TAB2: variants seen among roughly 807,000 people sequenced by gnomAD.
The protein encoded by TAB2 is TGF-beta-activated kinase 1 and MAP3K7-binding protein 2.
A neutral mutation model predicts 65.0 loss-of-function variants in TAB2; 3 were observed. The ratio of observed to expected loss-of-function variants is 0.05; its 90% CI spans 0.02 to 0.12. The LOEUF is 0.12. Among genes scored for constraint, TAB2 ranks in the 10% least tolerant of loss-of-function variants. The probability of loss-of-function intolerance (pLI) is 1.00; values close to 1 mark genes in which losing one functional copy is unlikely to be tolerated. For missense variants in TAB2, 623 were observed against 840.3 expected (o/e 0.74, Z 3.20); for synonymous variants, 298 against 285.1 (o/e 1.05, Z -0.46).
intron 1 of TAB2, among the ~76,000 whole-genome samples, chr6:149,234,149 G>C (rs745544337): frequency 6.6e-6 from 1 of 152,134 alleles, no homozygotes; most frequent in Non-Finnish European, 1.5e-5. Context: ...CTAGTATGAA[G>C]TTTTCACATG....
chr6:149,331,436 A>G (rs193050066), intron 1 of TAB2, among the ~76,000 whole-genome samples: 28 of 152,200 alleles, frequency 1.8e-4, no homozygotes, highest in Admixed American at 1.2e-3. Context: ...CTAAATTATC[A>G]GTTTTAGGAG....
Position 149,382,335 on chromosome 6 carries a change from C to T in TAB2, c.1603+2817C>T, listed in dbSNP as rs111385054. The stretch of plus-strand genomic sequence containing the variant: ...ACTAGAGGCTGGGCACGGTGGCTCA[C>T]GCCTGTAGTCCCAGCACTTTGGGAG... On this transcript the variant is annotated intron_variant, in intron 3 of 6. Transcript: ENST00000637181. Among the ~76,000 whole-genome samples the T allele has an allele frequency of 5.0e-3, 767 of 152,268 alleles. 6 individuals carry two copies. Among genetic ancestry groups the T allele is most frequent in the African/African-American group, 0.018 (746 of 41,552 alleles).
intron 3 of TAB2, among the ~76,000 whole-genome samples, chr6:149,389,178 T>G (rs780544145): frequency 7.9e-5 from 12 of 151,912 alleles, no homozygotes; most frequent in Non-Finnish European, 1.6e-4. Flanking sequence ...ATGGTCTCAA[T>G]CTCTTGACCT....
Position 149,324,762 on chromosome 6 carries a change from G to C in TAB2, c.-90+6747G>C, listed in dbSNP as rs192604327. 1.9e-3 allele frequency among the ~76,000 whole-genome samples: 288 copies of C among 151,830 alleles called. 3 individuals carry two copies. Among genetic ancestry groups the C allele is most frequent in the Non-Finnish European group, 7.7e-4 (52 of 67,946 alleles). ...AGAAATCAACAAAAGCAGTAATTCT[G>C]ATATGAACTGGGGCCATAGGGGTAG... On this transcript the variant is annotated intron_variant, in intron 1 of 6. Transcript: ENST00000637181.
intron 1 of TAB2, among the ~76,000 whole-genome samples, chr6:149,286,843 C>T (rs1464791293): frequency 2.0e-5 from 3 of 152,064 alleles, no homozygotes; most frequent in Admixed American, 6.6e-5. Flanking sequence ...TGGCTGGGCG[C>T]GGTAGCTCAC....
chr6:149,307,317 A>G (rs1562407638), intron 1 of TAB2, among the ~76,000 whole-genome samples: 2 of 152,198 alleles, frequency 1.3e-5, no homozygotes, highest in African/African-American at 4.8e-5. Context: ...GACATGGACA[A>G]GGGGAGTAGT....
intron 1 of TAB2, among the ~76,000 whole-genome samples, chr6:149,298,387 G>A (rs181794941): frequency 1.9e-3 from 292 of 152,274 alleles, no homozygotes; most frequent in African/African-American, 6.7e-3. Context: ...CCAGCACTTG[G>A]GGAAGCCAAG....
chr6:149,289,290 G>A (rs969070751), intron 1 of TAB2, among the ~76,000 whole-genome samples: 1 of 152,094 alleles, frequency 6.6e-6, no homozygotes, highest in Admixed American at 6.5e-5. Context: ...CATTTTGGGA[G>A]GCAAGGGCAG....
At chr6:149,397,927 A>T in intron 4 of TAB2, 42 bp from the exon 5 acceptor site, 17 of 1,597,142 alleles carry the variant, frequency 1.1e-5, no homozygotes, top group Non-Finnish European at 1.5e-5. Context: ...CTAATGACTA[A>T]GAATTCAGTG....
At chr6:149,400,252 G>C in intron 6 of TAB2, 1 of 901,086 alleles carries the variant, frequency 1.1e-6, no homozygotes, top group Non-Finnish European at 1.6e-6. Flanking sequence ...GGAGGGGAGG[G>C]AGCCCAGGAT....
At chr6:149,373,734 C>T (rs1781307050) in intron 2 of TAB2, among the ~76,000 whole-genome samples, 1 of 152,128 alleles carries the variant, frequency 6.6e-6, no homozygotes, top group African/African-American at 2.4e-5. Context: ...TACCAAAAAG[C>T]AGTGATTTTC....
chr6:149,273,336 G>A (rs956081063), intron 1 of TAB2, among the ~76,000 whole-genome samples: 1 of 152,192 alleles, frequency 6.6e-6, no homozygotes, highest in Non-Finnish European at 1.5e-5. Context: ...CTTAGACAAG[G>A]GCAGCAGTGA....
intron 1 of TAB2, among the ~76,000 whole-genome samples, chr6:149,270,704 C>CA (rs1359678661): frequency 1.3e-5 from 2 of 152,214 alleles, no homozygotes; most frequent in Non-Finnish European, 2.9e-5. Context: ...AGACCTTGCA[C>CA]ATTTTCATCA....
chr6:149,275,160 C>G (rs1417503382), intron 1 of TAB2, among the ~76,000 whole-genome samples: 2 of 104,026 alleles, frequency 1.9e-5, no homozygotes, highest in Admixed American at 1.3e-4. Flanking sequence ...GAGTCTTGCT[C>G]TATTGCCCAG....
intron 1 of TAB2, among the ~76,000 whole-genome samples, chr6:149,336,005 T>A (rs913617109): frequency 1.1e-4 from 17 of 152,174 alleles, no homozygotes; most frequent in Admixed American, 1.1e-3. Flanking sequence ...ACTTTTACCC[T>A]GCATACTAAA....
chr6:149,392,153 CG>C (rs1007797378), intron 3 of TAB2, among the ~76,000 whole-genome samples: 1 of 26,830 alleles, frequency 3.7e-5, no homozygotes, highest in African/African-American at 1.8e-4. Flanking sequence ...GGCGGGGGGG[CG>C]GGGGTGGACA....
intron 1 of TAB2, among the ~76,000 whole-genome samples, chr6:149,266,279 G>A (rs1156474478): frequency 6.6e-6 from 1 of 152,186 alleles, no homozygotes; most frequent in Non-Finnish European, 1.5e-5. Context: ...CCGTGTGTCT[G>A]TGTCTTTGTA....
At chr6:149,382,873 G>T (rs1391499430) in intron 3 of TAB2, among the ~76,000 whole-genome samples, 3 of 152,118 alleles carry the variant, frequency 2.0e-5, no homozygotes, top group African/African-American at 7.2e-5. Context: ...ATAACTTAAG[G>T]CTGGGCATGG....
chr6:149,341,967 A>G (rs775710336), intron 1 of TAB2, among the ~76,000 whole-genome samples: 5 of 152,080 alleles, frequency 3.3e-5, no homozygotes, highest in Admixed American at 2.6e-4. Flanking sequence ...TCTACTATTC[A>G]TAATATCCTA....
Sources: gnomAD v4.1 joint callset for allele counts (sites outside exome capture counted in the v4.1 genomes callset) on GRCh38, gnomAD v4.1.1 for gene constraint, MANE v1.5 for transcripts, NCBI Gene and HGNC (gene_info 2026-07-23, HGNC 2026-07-21) for gene names.